The following PKNOX1 variants were observed in gnomAD, a reference collection of about 807,000 sequenced individuals.
PKNOX1 encodes homeobox protein PKNOX1.
In PKNOX1, 15 loss-of-function variants were observed where a neutral mutation model predicts 51.9. The observed-to-expected ratio is 0.29, with a 90% CI of 0.19 to 0.45. PKNOX1 has a LOEUF of 0.45. Among genes scored for constraint, PKNOX1 ranks in the 20% least tolerant of loss-of-function variants. The pLI, the probability that PKNOX1 is intolerant of heterozygous loss-of-function variation, is 1.00. For missense variants in PKNOX1, 462 were observed against 547.5 expected (o/e 0.84, Z 1.56); for synonymous variants, 219 against 211.1 (o/e 1.04, Z -0.32).
intron 7 of PKNOX1, among the ~76,000 whole-genome samples, chr21:43,018,618 G>A (rs1006689134): frequency 4.6e-5 from 7 of 151,638 alleles, no homozygotes; most frequent in African/African-American, 1.2e-4. Flanking sequence ...CAAAGGGCAC[G>A]GCAGAACTGC....
chr21:42,981,793 G>T (rs991983526), intron 1 of PKNOX1, among the ~76,000 whole-genome samples: 1 of 152,192 alleles, frequency 6.6e-6, no homozygotes, highest in African/African-American at 2.4e-5. Flanking sequence ...TCTCAGGGTG[G>T]CAGGGAGCAG....
chr21:42,976,234 G>A (rs1402566840), intron 1 of PKNOX1, among the ~76,000 whole-genome samples: 1 of 152,176 alleles, frequency 6.6e-6, no homozygotes, highest in Admixed American at 6.5e-5. Flanking sequence ...GTGTGCAATA[G>A]CAAGCATTAT....
Position 43,021,523 on chromosome 21 carries a change from C to G in PKNOX1, c.849+92C>G. 3 of 1,403,292 alleles carry G rather than the reference C, an allele frequency of 2.1e-6. No individual in the cohort carries two copies. The South Asian group carries it at 4.3e-5, about 20-fold the overall frequency. 86.9% of individuals were successfully genotyped at this position (1,403,292 alleles called of 1,614,324 possible). The stretch of plus-strand genomic sequence containing the variant: ...CATGGAAAAGGGTTACTTCTCTGGG[C>G]TCAGAAAATCAAAGGCCTGACTTTC... On this transcript the variant is annotated intron_variant, in intron 8 of 10. Coordinates refer to ENST00000291547, the MANE Select transcript of PKNOX1 (RefSeq NM_004571.5). The surrounding 1 kb of genome is among the most constrained non-coding windows in gnomAD (Gnocchi z 4.6).
chr21:42,994,454 G>A (rs1978402960), intron 1 of PKNOX1, among the ~76,000 whole-genome samples: 1 of 147,394 alleles, frequency 6.8e-6, no homozygotes, highest in African/African-American at 2.5e-5. Flanking sequence ...TAGTATTACA[G>A]GCACGTGCCA....
chr21:43,029,723 G>T (rs558104676), intron 10 of PKNOX1, among the ~76,000 whole-genome samples, 167 bp from the exon 11 acceptor site: 4 of 152,178 alleles, frequency 2.6e-5, no homozygotes, highest in South Asian at 4.2e-4. Flanking sequence ...GAGCTACCGC[G>T]CCCGGCCCAG....
rs568845149 is a variant in PKNOX1 at position 43,006,061 on chromosome 21, A to AT, written c.52-1421dup. On this transcript the variant is annotated intron_variant, in intron 2 of 10. Transcript: ENST00000291547. Reference sequence around the variant, plus strand: ...TTTAGGTTTCTCTCTTTTCACAATCATTTTTTTTTCAAATACTGAAATGAA... The same window carrying AT: ...TTTAGGTTTCTCTCTTTTCACAATCATTTTTTTTTTCAAATACTGAAATGAA... Among the ~76,000 whole-genome samples, 428 of 149,350 alleles carry AT rather than the reference A, an allele frequency of 2.9e-3. 2 individuals carry two copies. The highest frequency in any genetic ancestry group is 9.5e-3 in the African/African-American group (386 of 40,630).
chr21:42,995,278 G>T (rs1021126553), intron 1 of PKNOX1, among the ~76,000 whole-genome samples: 8 of 151,858 alleles, frequency 5.3e-5, no homozygotes, highest in African/African-American at 1.9e-4. Flanking sequence ...TGGGTTCCTG[G>T]GTGTGTCCTG....
chr21:43,029,867 G>T, intron 10 of PKNOX1, 23 bp from the exon 11 acceptor site: 1 of 1,597,656 alleles, frequency 6.3e-7, no homozygotes, highest in South Asian at 1.1e-5. Flanking sequence ...TTTAAATAAT[G>T]ACACACCTTC....
chr21:42,982,612 T>C (rs113715475), intron 1 of PKNOX1, among the ~76,000 whole-genome samples: 5,765 of 150,604 alleles, frequency 0.038, 139 homozygotes, highest in Middle Eastern at 0.062. Flanking sequence ...ATGCCTGTAA[T>C]CCCAGCTACT....
chr21:43,029,095 G>A (rs776256244), intron 10 of PKNOX1: 17 of 593,656 alleles, frequency 2.9e-5, no homozygotes, highest in East Asian at 8.5e-5. Flanking sequence ...TGTAAAACAC[G>A]TGATAGAGAT....
Position 43,021,492 on chromosome 21 carries a change from A to G in PKNOX1, c.849+61A>G, listed in dbSNP as rs1979752896. ...CTCTGCGACGCTTGCTCTCTGGCTT[A>G]TGTGTCATGGAAAAGGGTTACTTCT... On this transcript the variant is annotated intron_variant, in intron 8 of 10. Transcript: ENST00000291547. This position sits in a 1 kb window ranked among gnomAD's most constrained non-coding sequence, Gnocchi z 4.6. 6.6e-7 allele frequency: 1 copy of G among 1,509,388 alleles called. No homozygotes were observed. The highest frequency in any genetic ancestry group is 8.9e-7 in the Non-Finnish European group (1 of 1,123,968). The allele number at this position is 1,509,388 out of a possible 1,614,324, so 93.5% of individuals were successfully genotyped here.
At chr21:43,014,267 C>T (rs555102532) in intron 5 of PKNOX1, among the ~76,000 whole-genome samples, 4 of 152,218 alleles carry the variant, frequency 2.6e-5, no homozygotes, top group South Asian at 4.1e-4. Flanking sequence ...GTGATCCGCC[C>T]GCCTTGGCCT....
At chr21:42,992,443 G>A (rs1326610693) in intron 1 of PKNOX1, among the ~76,000 whole-genome samples, 2 of 152,074 alleles carry the variant, frequency 1.3e-5, no homozygotes, top group Non-Finnish European at 2.9e-5. Context: ...TGAACCCCCC[G>A]GTCACACTGT....
chr21:42,993,287 A>G (rs1213039021), intron 1 of PKNOX1, among the ~76,000 whole-genome samples: 1 of 152,128 alleles, frequency 6.6e-6, no homozygotes, highest in African/African-American at 2.4e-5. Flanking sequence ...CTGACACTCA[A>G]AACGCTGACT....
At chr21:42,993,979 G>A (rs1369134708) in intron 1 of PKNOX1, among the ~76,000 whole-genome samples, 3 of 148,528 alleles carry the variant, frequency 2.0e-5, no homozygotes, top group Admixed American at 6.7e-5. Context: ...GTGATCCACT[G>A]GCTCAGCCTC....
rs1483019751 is a variant in PKNOX1 at position 43,010,216 on chromosome 21, G to T, written c.343G>T (p.Asp115Tyr). 1.3e-6 allele frequency: 2 copies of T among 1,492,610 alleles called. No homozygotes were observed. The highest frequency in any genetic ancestry group is 1.8e-6 in the Non-Finnish European group (2 of 1,098,080). The allele number at this position is 1,492,610 out of a possible 1,614,324, so 92.5% of individuals were successfully genotyped here. Reference sequence around the variant, plus strand: ...TTTCTTTTGTGAAGATCCAGAAACTGATAATTTAGTAAGTAAAATAAATTT... The same window carrying T: ...TTTCTTTTGTGAAGATCCAGAAACTTATAATTTAGTAAGTAAAATAAATTT... ...KPFFCEDPET[D>Y]NLMVKAIQVL... Residue 115 changes from aspartate (D) to tyrosine (Y), a missense_variant, in exon 4 of 11, where the codon GAT becomes TAT. This residue lies in a region of PKNOX1 where 129 missense variants were observed against 133.4 expected (regional missense o/e 0.97). Coordinates refer to ENST00000291547, the MANE Select transcript of PKNOX1 (RefSeq NM_004571.5).
intron 1 of PKNOX1, among the ~76,000 whole-genome samples, chr21:42,985,841 A>C (rs78034595): frequency 0.035 from 5,327 of 151,892 alleles, 134 homozygotes; most frequent in Middle Eastern, 0.061. Context: ...TCTCCTAAAA[A>C]TACAAAAAAA....
intron 2 of PKNOX1, among the ~76,000 whole-genome samples, chr21:43,007,173 C>T (rs140262852): frequency 2.8e-4 from 42 of 152,268 alleles, no homozygotes; most frequent in Admixed American, 1.1e-3. Context: ...TATTGCTACA[C>T]GTGAGGAGAT....
At position 43,014,167 on chromosome 21, in the gene PKNOX1, G is replaced by A. The variant is rs746070312; in HGVS notation, c.522+929G>A. ...CTCCTGAGTAGCTGGGACTACAGGT[G>A]CCTGCCACCACACCCGGCTAATTTT... is the stretch of plus-strand genomic sequence containing the variant. On this transcript the variant is annotated intron_variant, in intron 5 of 10. Transcript: ENST00000291547. Among the ~76,000 whole-genome samples, 292 of 151,912 alleles carry A rather than the reference G, an allele frequency of 1.9e-3. 1 individual carries two copies. The highest frequency in any genetic ancestry group is 3.2e-3 in the Non-Finnish European group (219 of 67,952).
Sources: gnomAD v4.1 joint callset for allele counts (sites outside exome capture counted in the v4.1 genomes callset) on GRCh38, gnomAD v4.1.1 for gene constraint, gnomAD v4.1.1 regional missense constraint, Gnocchi (gnomAD v3.1) non-coding constraint, MANE v1.5 for transcripts, NCBI Gene and HGNC (gene_info 2026-07-23, HGNC 2026-07-21) for gene names.